The following ADAMTSL1 variants were observed in gnomAD, a reference collection of about 807,000 sequenced individuals.
The protein encoded by ADAMTSL1 is ADAMTS like 1.
In ADAMTSL1, 126 loss-of-function variants were observed where a neutral mutation model predicts 201.8. The ratio of observed to expected loss-of-function variants is 0.62; its 90% confidence interval spans 0.54 to 0.72. The LOEUF is 0.72. Ranked by LOEUF, ADAMTSL1 falls within the 30% of genes least tolerant of loss-of-function variation. The pLI is 0.00. For synonymous variants in ADAMTSL1, 1,121 were observed against 903.4 expected (o/e 1.24, Z -4.32); for missense variants, 2,679 against 2,277.8 (o/e 1.18, Z -3.59).
chr9:18,571,247 T>A (rs1380681931), intron 3 of ADAMTSL1, among the ~76,000 whole-genome samples: 2 of 152,196 alleles, frequency 1.3e-5, no homozygotes, highest in Non-Finnish European at 2.9e-5. Flanking sequence ...TTTTCCCTGG[T>A]TCATATTAAG....
intron 2 of ADAMTSL1, among the ~76,000 whole-genome samples, chr9:18,276,062 T>G (rs576923501): frequency 5.9e-5 from 9 of 152,252 alleles, no homozygotes; most frequent in African/African-American, 1.9e-4. Flanking sequence ...TGATACAGGT[T>G]TAGCCACCAA....
At chr9:18,720,293 C>T (rs1473050086) in intron 14 of ADAMTSL1, among the ~76,000 whole-genome samples, 1 of 152,216 alleles carries the variant, frequency 6.6e-6, no homozygotes, top group Non-Finnish European at 1.5e-5. Flanking sequence ...TCACCCTTCC[C>T]AGCCTGTTTT....
At chr9:18,413,259 G>A (rs1818529563) in intron 2 of ADAMTSL1, among the ~76,000 whole-genome samples, 2 of 150,218 alleles carry the variant, frequency 1.3e-5, no homozygotes, top group Admixed American at 6.7e-5. Context: ...TCGCCTCCTA[G>A]GTTCAAATGA....
chr9:18,628,893 C>T (rs1310816365), intron 5 of ADAMTSL1, among the ~76,000 whole-genome samples: 1 of 152,110 alleles, frequency 6.6e-6, no homozygotes, highest in African/African-American at 2.4e-5. Context: ...CACTATGTTG[C>T]CCAGACTGAA....
At chr9:18,646,160 C>G (rs36169929) in intron 7 of ADAMTSL1, among the ~76,000 whole-genome samples, 28,305 of 149,770 alleles carry the variant, frequency 0.19, 2,999 homozygotes, top group Non-Finnish European at 0.24. Context: ...AATTGTGAAT[C>G]GGAGTTCACT....
At chr9:18,546,030 A>G (rs1343342576) in intron 3 of ADAMTSL1, among the ~76,000 whole-genome samples, 5 of 152,204 alleles carry the variant, frequency 3.3e-5, no homozygotes, top group Admixed American at 2.0e-4. Context: ...AGCAAGGGCC[A>G]TTATTTAATT....
chr9:18,738,521 T>C (rs1028382226), intron 15 of ADAMTSL1, among the ~76,000 whole-genome samples: 2 of 152,152 alleles, frequency 1.3e-5, no homozygotes, highest in African/African-American at 4.8e-5. Context: ...GACCTCCGTG[T>C]GGCTGGCTTG....
intron 2 of ADAMTSL1, among the ~76,000 whole-genome samples, chr9:18,528,642 A>G (rs765158054): frequency 3.9e-5 from 6 of 152,108 alleles, no homozygotes; most frequent in Non-Finnish European, 7.4e-5. Flanking sequence ...TGTCTTTGCT[A>G]TTGTGAATAG....
At chr9:18,280,404 CAAA>C (rs35683008) in intron 2 of ADAMTSL1, among the ~76,000 whole-genome samples, 6 of 131,856 alleles carry the variant, frequency 4.6e-5, no homozygotes, top group Non-Finnish European at 8.0e-5. Context: ...GTTTATCTCT[CAAA>C]AAAAAAAAAA....
At chr9:18,548,376 C>G (rs1021282718) in intron 3 of ADAMTSL1, among the ~76,000 whole-genome samples, 2 of 151,840 alleles carry the variant, frequency 1.3e-5, no homozygotes, top group African/African-American at 4.8e-5. Flanking sequence ...TAAAATGGCC[C>G]CGAAGCATAT....
At chr9:18,470,517 G>A (rs966385869), upstream of ADAMTSL1, among the ~76,000 whole-genome samples, 2 of 152,128 alleles carry the variant, frequency 1.3e-5, no homozygotes, top group Admixed American at 1.3e-4. Context: ...CTTAAAGAGG[G>A]GAGATTAGGC....
chr9:18,458,349 A>G (rs1047304898), intron 2 of ADAMTSL1, among the ~76,000 whole-genome samples: 4 of 152,216 alleles, frequency 2.6e-5, no homozygotes, highest in Admixed American at 1.3e-4. Flanking sequence ...GATACACTCA[A>G]TATTTTCTGT....
chr9:18,444,963 G>A (rs1189501094), intron 2 of ADAMTSL1, among the ~76,000 whole-genome samples: 1 of 152,046 alleles, frequency 6.6e-6, no homozygotes, highest in African/African-American at 2.4e-5. Flanking sequence ...TCATTTCACA[G>A]GTGAGAAAAC....
chr9:18,237,642 A>G (rs191904476), intron 2 of ADAMTSL1, among the ~76,000 whole-genome samples: 2 of 152,350 alleles, frequency 1.3e-5, no homozygotes, highest in African/African-American at 4.8e-5. Flanking sequence ...CTTCTATGTT[A>G]TATAAGTGAA....
intron 1 of ADAMTSL1, among the ~76,000 whole-genome samples, chr9:18,153,850 A>C (rs1359458697): frequency 6.6e-6 from 1 of 152,040 alleles, no homozygotes; most frequent in African/African-American, 2.4e-5. Context: ...AGCCATAGGC[A>C]CTTATATTGA....
chr9:18,238,012 G>A (rs986934517), intron 2 of ADAMTSL1, among the ~76,000 whole-genome samples: 3 of 152,160 alleles, frequency 2.0e-5, no homozygotes, highest in South Asian at 2.1e-4. Context: ...CTGGAGGGAG[G>A]GGCTTCAATG....
intron 23 of ADAMTSL1, among the ~76,000 whole-genome samples, chr9:18,874,941 C>G (rs1030817930): frequency 6.6e-6 from 1 of 151,970 alleles, no homozygotes; most frequent in Non-Finnish European, 1.5e-5. Flanking sequence ...TTCAGTCTCA[C>G]TGCTTGTTAT....
At chr9:18,890,832 C>A in intron 25 of ADAMTSL1, 1 of 313,800 alleles carries the variant, frequency 3.2e-6, no homozygotes, top group Non-Finnish European at 6.3e-6. Context: ...GGAAAACTGC[C>A]CTTGCCAAGC....
rs551718783 is a variant in ADAMTSL1, at chr9:18,821,883, G to C, written c.3935-4401G>C. Among the ~76,000 whole-genome samples the C allele has an allele frequency of 2.0e-5, 3 of 152,256 alleles. No homozygotes were observed. In the South Asian group the frequency reaches 6.2e-4, roughly 32 times the overall value. ...GGGATCCAGTTAACAAGAATACCCT[G>C]TCTGGGACTTTTTAAAAAAGAATAT... On this transcript the variant is annotated intron_variant, in intron 21 of 28. Coordinates refer to ENST00000380548, the MANE Select transcript of ADAMTSL1 (RefSeq NM_001040272.6).
Sources: allele counts gnomAD v4.1 joint callset (sites outside exome capture counted in the v4.1 genomes callset), GRCh38; gene constraint gnomAD v4.1.1; transcripts MANE v1.5; gene names NCBI Gene and HGNC (gene_info 2026-07-23, HGNC 2026-07-21).